The following ARHGAP24 variants were observed in gnomAD, a reference collection of about 807,000 sequenced individuals.
ARHGAP24 encodes the protein Rho GTPase activating protein 24.
ARHGAP24 carries 50 observed loss-of-function variants against 76.4 expected under a neutral mutation model. That is an observed-to-expected ratio of 0.65 (90% CI 0.52 to 0.83). The LOEUF (loss-of-function observed/expected upper bound fraction) is 0.83. ARHGAP24 is among the 40% of genes least tolerant of loss of function. The pLI, the probability that ARHGAP24 is intolerant of heterozygous loss-of-function variation, is 0.00. For missense variants in ARHGAP24, 930 were observed against 914.2 expected (o/e 1.02, Z -0.22); for synonymous variants, 345 against 323.3 (o/e 1.07, Z -0.72).
At chr4:85,475,870 A>G (rs1257114040) in intron 1 of ARHGAP24, among the ~76,000 whole-genome samples, 1 of 151,890 alleles carries the variant, frequency 6.6e-6, no homozygotes, top group African/African-American at 2.4e-5. Flanking sequence ...GATGGAATTA[A>G]TAAAAACCCT....
At chr4:85,595,990 G>T (rs888265192) in intron 2 of ARHGAP24, among the ~76,000 whole-genome samples, 2 of 151,916 alleles carry the variant, frequency 1.3e-5, no homozygotes, top group African/African-American at 4.8e-5. Context: ...CTATCTGCAT[G>T]CCAATGCCTA....
chr4:85,655,822 G>T (rs13121844), intron 2 of ARHGAP24, among the ~76,000 whole-genome samples: 2 of 107,950 alleles, frequency 1.9e-5, no homozygotes, highest in South Asian at 3.7e-4. Flanking sequence ...GAGAGAAAGA[G>T]AGAGAGAGAG....
intron 1 of ARHGAP24, among the ~76,000 whole-genome samples, chr4:85,502,281 G>C (rs974848529): frequency 2.0e-5 from 3 of 152,050 alleles, no homozygotes; most frequent in African/African-American, 7.2e-5. Flanking sequence ...TAGCTTGATG[G>C]GGATGGCATT....
intron 5 of ARHGAP24, among the ~76,000 whole-genome samples, chr4:85,945,252 C>A (rs1737184153): frequency 6.6e-6 from 1 of 152,142 alleles, no homozygotes; most frequent in Admixed American, 6.5e-5. Context: ...AAGCCATTCT[C>A]ATGCCTCAGC....
intron 2 of ARHGAP24, among the ~76,000 whole-genome samples, chr4:85,721,682 T>C (rs1196466209): frequency 6.6e-6 from 1 of 152,190 alleles, no homozygotes; most frequent in Non-Finnish European, 1.5e-5. Flanking sequence ...CTTATACATA[T>C]TAGATGCTCA....
intron 1 of ARHGAP24, among the ~76,000 whole-genome samples, chr4:85,538,297 C>G (rs1725549073): frequency 6.6e-6 from 1 of 152,114 alleles, no homozygotes; most frequent in Admixed American, 6.5e-5. Context: ...ATAAAAGACT[C>G]TTAAATGAGC....
At chr4:85,869,201 A>G (rs1472800785) in intron 3 of ARHGAP24, among the ~76,000 whole-genome samples, 2 of 152,168 alleles carry the variant, frequency 1.3e-5, no homozygotes, top group Non-Finnish European at 2.9e-5. Context: ...ATCTGACGTA[A>G]CAAGAAGCGC....
rs746606555 is a variant in ARHGAP24, at chr4:85,995,536, G to A, written c.1882G>A (p.Asp628Asn). ...GRSSRATSSSDNSETFVGNSS... is the reference protein window; with the variant it reads ...GRSSRATSSSNNSETFVGNSS... The stretch of plus-strand genomic sequence containing the variant: ...AAGTAGTCGTGCCACCAGTAGCAGT[G>A]ACAACAGTGAGACATTTGTGGGCAA... The change falls in exon 9 of 10, where the codon GAC (aspartate) becomes AAC (asparagine). Residue 628 changes from aspartate to asparagine, a missense_variant. Asp to Asn is a conservative substitution (Grantham distance 23). Coordinates refer to ENST00000395184, the MANE Select transcript of ARHGAP24 (RefSeq NM_001025616.3). The A allele has an allele frequency of 2.5e-6, 4 of 1,609,936 alleles. No homozygotes were observed.
intron 3 of ARHGAP24, among the ~76,000 whole-genome samples, chr4:85,752,438 A>T (rs527712047): frequency 6.7e-6 from 1 of 148,240 alleles, no homozygotes; most frequent in Non-Finnish European, 1.5e-5. Flanking sequence ...TCTTTGCTGA[A>T]TGCCTTTGTG....
chr4:85,567,994 G>A lies in ARHGAP24; in HGVS notation c.-20-2528G>A, dbSNP rs190922990. Among the ~76,000 whole-genome samples the A allele has an allele frequency of 1.3e-3, 205 of 152,188 alleles. 2 individuals are homozygous for A. The highest frequency in any genetic ancestry group is 1.8e-3 in the Admixed American group (28 of 15,282). ...GCATTCTGAAATCATAAAAATATAG[G>A]CATTATAGTCAGTTCAGTGGGCAAT... On this transcript the variant is annotated intron_variant, in intron 1 of 9. Coordinates refer to ENST00000395184, the MANE Select transcript of ARHGAP24 (RefSeq NM_001025616.3).
intron 9 of ARHGAP24, among the ~76,000 whole-genome samples, chr4:85,998,367 A>AT (rs1340755944): frequency 3.9e-5 from 6 of 151,942 alleles, no homozygotes; most frequent in Non-Finnish European, 7.4e-5. Flanking sequence ...CTGAAACTCT[A>AT]TTTTTTCTGA....
At chr4:85,874,104 C>G (rs1239462804) in intron 3 of ARHGAP24, among the ~76,000 whole-genome samples, 1 of 152,018 alleles carries the variant, frequency 6.6e-6, no homozygotes. Flanking sequence ...AAAAATCACC[C>G]AAAACCTAGA....
intron 2 of ARHGAP24, among the ~76,000 whole-genome samples, chr4:85,651,431 C>T (rs1305016006): frequency 1.3e-5 from 2 of 148,968 alleles, no homozygotes; most frequent in Non-Finnish European, 2.9e-5. Flanking sequence ...GGAGATGGGA[C>T]GTGAAGGACA....
At chr4:85,642,253 C>T (rs1351803478) in intron 2 of ARHGAP24, among the ~76,000 whole-genome samples, 2 of 152,002 alleles carry the variant, frequency 1.3e-5, no homozygotes, top group African/African-American at 4.8e-5. Flanking sequence ...GTTTTTAAGG[C>T]CTAAAATGCC....
At chr4:85,631,987 T>C (rs960016569) in intron 2 of ARHGAP24, among the ~76,000 whole-genome samples, 1 of 152,126 alleles carries the variant, frequency 6.6e-6, no homozygotes, top group Non-Finnish European at 1.5e-5. Flanking sequence ...TGAGTGTGTC[T>C]TTTGTATCCA....
intron 2 of ARHGAP24, among the ~76,000 whole-genome samples, chr4:85,678,231 T>TA (rs200556684): frequency 0.017 from 2,617 of 151,988 alleles, 33 homozygotes; most frequent in Non-Finnish European, 0.027. Flanking sequence ...TAGCATGGCA[T>TA]AGTGGTGACC....
chr4:85,493,767 G>T (rs1048771097), intron 1 of ARHGAP24, among the ~76,000 whole-genome samples: 3 of 152,122 alleles, frequency 2.0e-5, no homozygotes, highest in Non-Finnish European at 4.4e-5. Flanking sequence ...GGTGTTACTT[G>T]TGCTTATTCA....
chr4:85,499,621 G>A (rs968898537), intron 1 of ARHGAP24, among the ~76,000 whole-genome samples: 2 of 152,164 alleles, frequency 1.3e-5, no homozygotes, highest in African/African-American at 4.8e-5. Flanking sequence ...TAGAATATTA[G>A]CTACTATGAC....
intron 3 of ARHGAP24, among the ~76,000 whole-genome samples, chr4:85,904,506 A>G (rs1482473188): frequency 6.6e-6 from 1 of 152,220 alleles, no homozygotes; most frequent in Non-Finnish European, 1.5e-5. Context: ...TATACAAACT[A>G]TATCAAATGT....
Sources: gnomAD v4.1 joint callset for allele counts (sites outside exome capture counted in the v4.1 genomes callset) on GRCh38, gnomAD v4.1.1 for gene constraint, MANE v1.5 for transcripts, NCBI Gene and HGNC (gene_info 2026-07-23, HGNC 2026-07-21) for gene names.